The following LGSN variants were observed in gnomAD, a reference collection of about 807,000 sequenced individuals.
LGSN encodes the protein lengsin.
LGSN carries 21 observed loss-of-function variants against 19.5 expected under a neutral mutation model. That is an observed-to-expected ratio of 1.07 (90% confidence interval 0.76 to 1.55). The LOEUF (loss-of-function observed/expected upper bound fraction) is 1.55, where lower values mean the gene tolerates loss of function less well. LGSN is among the 40% of genes most tolerant of loss of function. The pLI is 0.00. For missense variants in LGSN, 673 were observed against 608.5 expected, an observed-to-expected ratio of 1.11 and a Z score of -1.12; for synonymous variants, 257 against 215.6, an observed-to-expected ratio of 1.19 and a Z score of -1.68.
the LGSN span, among the ~76,000 whole-genome samples, chr6:63,515,684 G>A: frequency 1.3e-5 from 2 of 152,070 alleles, no homozygotes; most frequent in African/African-American, 4.8e-5. Context: ...GTGCTAGAAA[G>A]CAAAGAGCTA....
At chr6:63,328,413 G>A in the LGSN span, among the ~76,000 whole-genome samples, 1 of 152,212 alleles carries the variant, frequency 6.6e-6, no homozygotes, top group African/African-American at 2.4e-5. Flanking sequence ...TCAAGGAGTA[G>A]TGCCTGGTAT....
At chr6:63,571,256 CTAAGA>C in the LGSN span, 2 of 151,996 alleles carry the variant, frequency 1.3e-5, no homozygotes, top group South Asian at 2.1e-4. Flanking sequence ...CTAATAAATC[CTAAGA>C]TGTTGCAGGG....
chr6:63,477,716 T>G, the LGSN span, among the ~76,000 whole-genome samples: 7 of 124,718 alleles, frequency 5.6e-5, no homozygotes, highest in South Asian at 1.9e-3. Flanking sequence ...TTTTTTTTTG[T>G]AGAGATGGGG....
chr6:63,520,222 A>G, the LGSN span, among the ~76,000 whole-genome samples: 3 of 152,332 alleles, frequency 2.0e-5, no homozygotes, highest in Middle Eastern at 0.01. Flanking sequence ...ATATTTTCCC[A>G]TTAGACATTT....
At chr6:63,517,864 C>T in the LGSN span, among the ~76,000 whole-genome samples, 1 of 152,028 alleles carries the variant, frequency 6.6e-6, no homozygotes, top group Non-Finnish European at 1.5e-5. Flanking sequence ...CACATAAAAT[C>T]TCAGTAGGGC....
chr6:63,433,355 C>T, the LGSN span, among the ~76,000 whole-genome samples: 1 of 152,098 alleles, frequency 6.6e-6, no homozygotes, highest in Non-Finnish European at 1.5e-5. Flanking sequence ...ATGTTAATTA[C>T]TTCTATTTTT....
the LGSN span, among the ~76,000 whole-genome samples, chr6:63,356,768 C>A: frequency 6.6e-6 from 1 of 151,976 alleles, no homozygotes; most frequent in African/African-American, 2.4e-5. Context: ...GCAACATGAC[C>A]AATTGTCTTC....
At chr6:63,470,845 TGAAGA>T in the LGSN span, among the ~76,000 whole-genome samples, 1 of 151,632 alleles carries the variant, frequency 6.6e-6, no homozygotes, top group Non-Finnish European at 1.5e-5. Context: ...GTAAGTACAG[TGAAGA>T]GAAAATTCTC....
At chr6:63,488,505 T>C in the LGSN span, among the ~76,000 whole-genome samples, 1 of 152,202 alleles carries the variant, frequency 6.6e-6, no homozygotes, top group East Asian at 1.9e-4. Context: ...GCCTTTTTCA[T>C]GAAGGGAAAT....
chr6:63,568,141 G>A, the LGSN span, among the ~76,000 whole-genome samples: 2 of 152,242 alleles, frequency 1.3e-5, no homozygotes, highest in Non-Finnish European at 2.9e-5. Context: ...GTTCACTGGA[G>A]TGGCACTTTT....
At chr6:63,306,151 A>G (rs552744398) in intron 1 of LGSN, among the ~76,000 whole-genome samples, 13 of 152,354 alleles carry the variant, frequency 8.5e-5, no homozygotes, top group African/African-American at 2.4e-4. Flanking sequence ...ACAATATTTT[A>G]TATTTCATCT....
chr6:63,502,293 G>A, the LGSN span, among the ~76,000 whole-genome samples: 4 of 152,178 alleles, frequency 2.6e-5, no homozygotes, highest in East Asian at 7.7e-4. Context: ...AGCAGAGGGT[G>A]AAGTCTAGGA....
At chr6:63,529,971 A>G in the LGSN span, among the ~76,000 whole-genome samples, 1 of 152,152 alleles carries the variant, frequency 6.6e-6, no homozygotes, top group Non-Finnish European at 1.5e-5. Flanking sequence ...TCTTTTCACC[A>G]TTATTTAGGT....
chr6:63,561,004 T>G, the LGSN span, among the ~76,000 whole-genome samples: 3 of 152,176 alleles, frequency 2.0e-5, no homozygotes, highest in East Asian at 5.8e-4. Context: ...TAAGCCCAAA[T>G]GCCAGTGCCT....
chr6:63,503,655 C>T, the LGSN span, among the ~76,000 whole-genome samples: 1 of 152,232 alleles, frequency 6.6e-6, no homozygotes, highest in Non-Finnish European at 1.5e-5. Context: ...CGGCTCATGC[C>T]TGTAATCCCA....
the LGSN span, chr6:63,527,709 C>T: frequency 6.6e-6 from 1 of 152,086 alleles, no homozygotes; most frequent in Admixed American, 6.5e-5. Flanking sequence ...TTCTGGAATT[C>T]GAAAAGGGCT....
the LGSN span, among the ~76,000 whole-genome samples, chr6:63,366,838 G>T: frequency 1.3e-5 from 2 of 151,200 alleles, no homozygotes; most frequent in Non-Finnish European, 2.9e-5. Flanking sequence ...AAGCAATGGG[G>T]AAAGGATTCC....
At chr6:63,322,074 A>G (rs1769097922), upstream of LGSN, among the ~76,000 whole-genome samples, 2 of 152,354 alleles carry the variant, frequency 1.3e-5, no homozygotes, top group South Asian at 4.1e-4. Context: ...CTTACTAAGT[A>G]CCAACAAGGG....
chr6:63,473,432 C>A, the LGSN span, among the ~76,000 whole-genome samples: 2 of 140,132 alleles, frequency 1.4e-5, no homozygotes, highest in African/African-American at 2.7e-5. Context: ...CGAGATCATG[C>A]CACTGCACTC....
Sources: gnomAD v4.1 joint callset for allele counts (sites outside exome capture counted in the v4.1 genomes callset) on GRCh38, gnomAD v4.1.1 for gene constraint, MANE v1.5 for transcripts, NCBI Gene and HGNC (gene_info 2026-07-23, HGNC 2026-07-21) for gene names.